SPG21: variants seen among roughly 807,000 people sequenced by gnomAD.
SPG21 encodes maspardin.
In SPG21, 26 loss-of-function variants were observed where a neutral mutation model predicts 38.9. The observed-to-expected ratio is 0.67, with a 90% CI of 0.49 to 0.93. SPG21 has a LOEUF of 0.93. SPG21 is among the 40% of genes least tolerant of loss of function. The pLI is 0.00. For missense variants in SPG21, 333 were observed against 376.5 expected, an observed-to-expected ratio of 0.88 and a Z score of 0.96; for synonymous variants, 136 against 128.9, an observed-to-expected ratio of 1.05 and a Z score of -0.37.
chr15:64,975,527 CAAAA>C (rs34728521), intron 4 of SPG21, among the ~76,000 whole-genome samples: 1 of 126,158 alleles, frequency 7.9e-6, no homozygotes, highest in Non-Finnish European at 1.7e-5. Flanking sequence ...AAGCCTGTCT[CAAAA>C]AAAAAAAAAA....
chr15:64,986,268 A>G (rs949681396), intron 1 of SPG21, among the ~76,000 whole-genome samples: 12 of 152,224 alleles, frequency 7.9e-5, no homozygotes, highest in African/African-American at 2.9e-4. Context: ...CAGGAGGGTG[A>G]GGCAGGAGAA....
At chr15:64,979,244 C>A (rs549377578) in intron 3 of SPG21, among the ~76,000 whole-genome samples, 1 of 152,264 alleles carries the variant, frequency 6.6e-6, no homozygotes, top group South Asian at 2.1e-4. Context: ...CACTGTGGAG[C>A]GAGAAACACA....
intron 1 of SPG21, chr15:64,987,144 T>C (rs1023340772): frequency 3.9e-5 from 6 of 152,196 alleles, no homozygotes; most frequent in East Asian, 1.9e-4. Context: ...TTCTTTCCCA[T>C]AGCAGTAAAT....
At chr15:64,989,154 C>T (rs2086063743) in intron 1 of SPG21, 1 of 152,102 alleles carries the variant, frequency 6.6e-6, no homozygotes, top group Non-Finnish European at 1.5e-5. Flanking sequence ...TGTTCCTCAT[C>T]CCCCGTTTAC....
intron 1 of SPG21, among the ~76,000 whole-genome samples, chr15:64,986,243 G>T (rs528984849): frequency 6.6e-6 from 1 of 152,026 alleles, no homozygotes; most frequent in Admixed American, 6.6e-5. Context: ...GCGCACGCCC[G>T]TAGTCCCAGC....
intron 7 of SPG21, among the ~76,000 whole-genome samples, chr15:64,966,528 C>G (rs1309614923): frequency 6.6e-6 from 1 of 151,988 alleles, no homozygotes; most frequent in Admixed American, 6.6e-5. Context: ...CAGAATGCAG[C>G]GATTATGGCA....
chr15:64,976,823 C>T (rs1015150655), intron 3 of SPG21, among the ~76,000 whole-genome samples: 2 of 152,174 alleles, frequency 1.3e-5, no homozygotes, highest in African/African-American at 4.8e-5. Flanking sequence ...AATTTCCTTT[C>T]TAAATAGCTG....
chr15:64,966,265 A>G (rs549277967), intron 7 of SPG21, among the ~76,000 whole-genome samples: 5 of 152,208 alleles, frequency 3.3e-5, no homozygotes, highest in African/African-American at 7.2e-5. Context: ...GATTCTAGAC[A>G]TCCTTCAATA....
At chr15:64,978,186 G>A (rs1281195232) in intron 3 of SPG21, among the ~76,000 whole-genome samples, 8 of 151,052 alleles carry the variant, frequency 5.3e-5, no homozygotes, top group Admixed American at 4.0e-4. Flanking sequence ...GGTGGCTCAC[G>A]CTTGCAATCC....
intron 7 of SPG21, among the ~76,000 whole-genome samples, chr15:64,966,346 A>G (rs1201835398): frequency 3.9e-5 from 6 of 152,220 alleles, no homozygotes; most frequent in Admixed American, 3.3e-4. Flanking sequence ...AAAATTGTAT[A>G]CTAAATATAC....
intron 5 of SPG21, 101 bp downstream of exon 5, chr15:64,974,501 A>T: frequency 7.1e-7 from 1 of 1,407,064 alleles, no homozygotes; most frequent in Non-Finnish European, 9.9e-7. Flanking sequence ...AAGTTGCAGA[A>T]TATAGAAGTA....
intron 1 of SPG21, among the ~76,000 whole-genome samples, chr15:64,987,876 A>G (rs1199934962): frequency 6.6e-6 from 1 of 152,194 alleles, no homozygotes; most frequent in Non-Finnish European, 1.5e-5. Context: ...CTCTACTAAA[A>G]ATACAAAATT....
At chr15:64,971,456 G>A (rs937412089) in intron 5 of SPG21, among the ~76,000 whole-genome samples, 6 of 150,100 alleles carry the variant, frequency 4.0e-5, no homozygotes, top group African/African-American at 4.9e-5. Context: ...GGAGAATGGC[G>A]TGAACCCAGG....
intron 1 of SPG21, chr15:64,987,492 T>C (rs952723551): frequency 2.0e-5 from 3 of 152,256 alleles, no homozygotes; most frequent in Non-Finnish European, 4.4e-5. Flanking sequence ...AGGAATATTC[T>C]GTATATGGCA....
At chr15:64,978,269 G>GA (rs958032760) in intron 3 of SPG21, among the ~76,000 whole-genome samples, 1 of 151,656 alleles carries the variant, frequency 6.6e-6, no homozygotes, top group Non-Finnish European at 1.5e-5. Context: ...ACAACATGGT[G>GA]AAACCCCATC....
chr15:64,986,577 T>C (rs2085996632), intron 1 of SPG21, among the ~76,000 whole-genome samples: 2 of 149,234 alleles, frequency 1.3e-5, no homozygotes, highest in South Asian at 2.1e-4. Context: ...TAATCCCAAA[T>C]ACTCGGGAGG....
chr15:64,980,826 A>G (rs1436137959), intron 3 of SPG21, 38 bp downstream of exon 3: 1 of 1,606,856 alleles, frequency 6.2e-7, no homozygotes, highest in Non-Finnish European at 8.5e-7. Flanking sequence ...AAAAAAACAC[A>G]CAAAACGTGG....
At chr15:64,983,076 G>T (rs909299933) in intron 2 of SPG21, 3 of 226,316 alleles carry the variant, frequency 1.3e-5, no homozygotes, top group African/African-American at 2.3e-5. Context: ...TGGCCAACAT[G>T]GTGAAACTCT....
intron 4 of SPG21, 98 bp from the exon 5 acceptor site, chr15:64,974,845 G>T: frequency 7.4e-7 from 1 of 1,343,150 alleles, no homozygotes; most frequent in Non-Finnish European, 1.1e-6. Flanking sequence ...CACAGAATAT[G>T]TTATCACTAG....
Sources: allele counts gnomAD v4.1 joint callset (sites outside exome capture counted in the v4.1 genomes callset), GRCh38; gene constraint gnomAD v4.1.1; transcripts MANE v1.5; gene names NCBI Gene and HGNC (gene_info 2026-07-23, HGNC 2026-07-21).